The following G2E3 variants were observed in gnomAD, a reference collection of about 807,000 sequenced individuals.
The protein encoded by G2E3 is G2/M phase-specific E3 ubiquitin-protein ligase.
Under a neutral mutation model 92.8 loss-of-function variants are expected in G2E3, and 35 were observed. That is an observed-to-expected ratio of 0.38 (90% CI 0.29 to 0.50). G2E3 has a LOEUF of 0.50. Ranked by LOEUF, G2E3 falls within the 20% of genes least tolerant of loss-of-function variation. The pLI is 0.94. For missense variants in G2E3, 554 were observed against 823.8 expected, an observed-to-expected ratio of 0.67 and a Z score of 4.01; for synonymous variants, 242 against 272.4, an observed-to-expected ratio of 0.89 and a Z score of 1.10.
chr14:30,586,682 A>G, intron 2 of G2E3, 36 bp from the exon 3 acceptor site: 3 of 697,718 alleles, frequency 4.3e-6, no homozygotes, highest in Non-Finnish European at 7.1e-6. Context: ...AAATATTTAA[A>G]TATATTTTTA....
At chr14:30,580,774 T>G (rs922282297) in intron 1 of G2E3, 2 of 228,878 alleles carry the variant, frequency 8.7e-6, no homozygotes, top group Non-Finnish European at 1.7e-5. Flanking sequence ...TATCGTTTGT[T>G]GTGTAGGACT....
chr14:30,582,109 T>C (rs78584376), intron 2 of G2E3, among the ~76,000 whole-genome samples: 3 of 152,348 alleles, frequency 2.0e-5, no homozygotes, highest in Non-Finnish European at 4.4e-5. Flanking sequence ...TCTGAAACTT[T>C]TAGTACTTCA....
intron 1 of G2E3, among the ~76,000 whole-genome samples, chr14:30,576,279 C>CT (rs1157645609): frequency 6.6e-6 from 1 of 152,200 alleles, no homozygotes; most frequent in Non-Finnish European, 1.5e-5. Flanking sequence ...AAAAGACTCT[C>CT]TGTTTATTAA....
At chr14:30,564,688 T>C (rs1879328025) in intron 1 of G2E3, among the ~76,000 whole-genome samples, 1 of 152,212 alleles carries the variant, frequency 6.6e-6, no homozygotes. Context: ...CACGATGTTG[T>C]GCAACCATCA....
chr14:30,607,081 G>A (rs1881863993), intron 11 of G2E3, among the ~76,000 whole-genome samples: 1 of 152,068 alleles, frequency 6.6e-6, no homozygotes, highest in African/African-American at 2.4e-5. Context: ...CACTTAGCCA[G>A]GATAGCCAGG....
At chr14:30,592,667 A>G (rs1467604092) in intron 5 of G2E3, among the ~76,000 whole-genome samples, 2 of 139,820 alleles carry the variant, frequency 1.4e-5, no homozygotes, top group Admixed American at 8.2e-5. Context: ...ATTAGCTTTC[A>G]TTTTCAATTT....
chr14:30,603,719 C>G (rs1881690948), intron 10 of G2E3, among the ~76,000 whole-genome samples: 1 of 152,100 alleles, frequency 6.6e-6, no homozygotes, highest in South Asian at 2.1e-4. Flanking sequence ...GTGGTGTGCA[C>G]CTGTAGTCCT....
At chr14:30,616,154 C>T (rs1327978915) in intron 14 of G2E3, 124 bp from the exon 15 acceptor site, 3 of 669,422 alleles carry the variant, frequency 4.5e-6, no homozygotes, top group East Asian at 5.4e-5. Context: ...TTGCCCAAAA[C>T]AAATGTGGGA....
rs142815152 is a variant in G2E3, at chr14:30,574,749, A to G, written c.-4-6327A>G. ...CTCCATCCATGTTCCTGCAAAAGACATGATCTTACTCTTTTTTATGGCTGC... is the reference window on the plus strand; with the variant it reads ...CTCCATCCATGTTCCTGCAAAAGACGTGATCTTACTCTTTTTTATGGCTGC... On this transcript the variant is annotated intron_variant, in intron 1 of 14. Coordinates refer to ENST00000206595, the MANE Select transcript of G2E3 (RefSeq NM_017769.5). Among the ~76,000 whole-genome samples, 84 of 152,284 alleles carry G rather than the reference A, an allele frequency of 5.5e-4. No individual in the cohort carries two copies. In the East Asian group the frequency reaches 0.013, roughly 23 times the overall value.
intron 6 of G2E3, among the ~76,000 whole-genome samples, chr14:30,596,129 G>GGT (rs1031987606): frequency 1.9e-5 from 1 of 53,728 alleles, no homozygotes; most frequent in South Asian, 5.8e-4. Flanking sequence ...TGGGTGGGTG[G>GGT]GTGTGCGTGT....
In G2E3 at chr14:30,616,446, A is replaced by T. The variant is rs1477835489; in HGVS notation, c.2033A>T (p.Tyr678Phe). Residue 678 changes from tyrosine (Y) to phenylalanine (F), a missense_variant, in exon 15 of 15, where the codon TAT (tyrosine) becomes TTT (phenylalanine). Tyr to Phe is a conservative substitution (Grantham distance 22). Transcript: ENST00000206595. ...TTAGCAATTCCCATCACCAATACAT[A>T]TAAAGAGTTTCAAGAAAATATGGAC... ...NCLAIPITNTYKEFQENMDFT... is the reference protein window; with the variant it reads ...NCLAIPITNTFKEFQENMDFT... The T allele has an allele frequency of 1.9e-6, 3 of 1,609,908 alleles. No homozygotes were observed. Among genetic ancestry groups the T allele is most frequent in the African/African-American group, 2.7e-5 (2 of 74,842 alleles).
rs1443564118 is a variant in G2E3, at chr14:30,608,157, T to C, written c.1500+88T>C. On this transcript the variant is annotated intron_variant, in intron 12 of 14. Coordinates refer to ENST00000206595, the MANE Select transcript of G2E3 (RefSeq NM_017769.5). Reference sequence around the variant, plus strand: ...ACTGATCTGCAATAAAATAATAGTATTATCTATGAAGGAGTTAGGGATTGT... The same window carrying C: ...ACTGATCTGCAATAAAATAATAGTACTATCTATGAAGGAGTTAGGGATTGT... 6 of 751,302 alleles carry C rather than the reference T, an allele frequency of 8.0e-6. No individual in the cohort carries two copies. The East Asian group carries it at 1.7e-4, about 21-fold the overall frequency. The allele number at this position is 751,302 out of a possible 1,614,324, so 46.5% of individuals were successfully genotyped here. A position where few individuals can be genotyped will look rare whatever the true frequency, so the allele number is the denominator to read the frequency against.
chr14:30,616,506 A>T lies in G2E3; in HGVS notation c.2093A>T (p.Glu698Val). ...TIRNTLRLEK[E>V]ESSHYIGH ...AGAAACACTCTAAGACTAGAAAAGG[A>T]AGAAAGTTCTCATTACATTGGACAT... The change falls in exon 15 of 15, where the codon GAA (glutamate) becomes GTA (valine). Residue 698 changes from glutamate (E) to valine (V), a missense_variant. By Grantham distance (121) the Glu-to-Val change is moderately radical. This residue lies in a region of G2E3 where 397 missense variants were observed against 560.3 expected (regional missense o/e 0.71). Transcript: ENST00000206595. The T allele has an allele frequency of 6.2e-7, 1 of 1,601,834 alleles. No individual in the cohort carries two copies. The highest frequency in any genetic ancestry group is 8.5e-7 in the Non-Finnish European group (1 of 1,172,678).
At chr14:30,597,671 C>T (rs184017688) in intron 7 of G2E3, 145 bp downstream of exon 7, 2 of 609,184 alleles carry the variant, frequency 3.3e-6, no homozygotes, top group East Asian at 5.6e-5. Context: ...TCTCCTCCCC[C>T]ACATGGCCAG....
At position 30,602,121 on chromosome 14, in the gene G2E3, G is replaced by T; in HGVS notation, c.1000G>T (p.Asp334Tyr). ...ACAGTCACCTGGATCCCAGAGTAAA[G>T]ATCTACTGAGGTATGTATTTTGAAT... is the stretch of plus-strand genomic sequence containing the variant. ...PRQSPGSQSK[D>Y]LLRQGSKFRR... Residue 334 changes from aspartate (D) to tyrosine (Y), a missense_variant, in exon 10 of 15, where the codon GAT becomes TAT. Asp to Tyr is a radical substitution (Grantham distance 160). Around this residue, in one of 3 missense-constraint regions of G2E3, gnomAD observed 397 missense variants for 560.3 expected, o/e 0.71. Transcript: ENST00000206595. 1 of 1,605,662 alleles carries T rather than the reference G, an allele frequency of 6.2e-7. No individual in the cohort carries two copies. The highest frequency in any genetic ancestry group is 8.5e-7 in the Non-Finnish European group (1 of 1,175,850).
intron 2 of G2E3, among the ~76,000 whole-genome samples, chr14:30,582,075 C>G (rs1051826589): frequency 1.2e-4 from 19 of 152,186 alleles, no homozygotes; most frequent in Non-Finnish European, 2.2e-4. Context: ...CTACCTCCAG[C>G]CTTCTGTCAG....
chr14:30,575,739 G>T (rs1441884313), intron 1 of G2E3, among the ~76,000 whole-genome samples: 1 of 152,144 alleles, frequency 6.6e-6, no homozygotes, highest in Non-Finnish European at 1.5e-5. Flanking sequence ...CAAACCTAGA[G>T]CCAAATCAGA....
chr14:30,602,869 C>T (rs1014442057), intron 10 of G2E3: 1 of 152,224 alleles, frequency 6.6e-6, no homozygotes, highest in Non-Finnish European at 1.5e-5. Context: ...ACCTTTGCCT[C>T]CCAAAATGTT....
chr14:30,564,105 A>G (rs1368769791), intron 1 of G2E3, among the ~76,000 whole-genome samples: 2 of 152,230 alleles, frequency 1.3e-5, no homozygotes, highest in Admixed American at 6.5e-5. Flanking sequence ...TTTGTATGCA[A>G]TAAAAGTCAC....
Sources: allele counts gnomAD v4.1 joint callset (sites outside exome capture counted in the v4.1 genomes callset), GRCh38; gene constraint gnomAD v4.1.1; regional missense constraint gnomAD v4.1.1; transcripts MANE v1.5; gene names NCBI Gene and HGNC (gene_info 2026-07-23, HGNC 2026-07-21).